Variants in LOC128125822 observed in about 807,000 individuals in gnomAD.
chr6:63,580,295 A>C, the LOC128125822 span: 4 of 783,342 alleles, frequency 5.1e-6, no homozygotes, highest in East Asian at 9.9e-5. Context: ...ATTGAAAGGC[A>C]GTTTTACCAG....
the LOC128125822 span, chr6:63,582,441 C>T: frequency 1.3e-5 from 2 of 152,444 alleles, no homozygotes; most frequent in Non-Finnish European, 2.9e-5. Flanking sequence ...GTACATTATA[C>T]GATGTGATGA....
the LOC128125822 span, chr6:63,576,569 C>T: frequency 4.4e-6 from 2 of 456,098 alleles, no homozygotes; most frequent in Non-Finnish European, 7.7e-6. Context: ...AAGAAGCCCC[C>T]ATAAGAGTGG....
chr6:63,581,683 TTTA>T, the LOC128125822 span: 2 of 152,188 alleles, frequency 1.3e-5, no homozygotes, highest in Non-Finnish European at 2.9e-5. Flanking sequence ...TTTGAACCAA[TTTA>T]TTATTGTGTA....
At chr6:63,575,667 C>T in the LOC128125822 span, among the ~76,000 whole-genome samples, 4 of 152,186 alleles carry the variant, frequency 2.6e-5, no homozygotes, top group Middle Eastern at 3.4e-3. Flanking sequence ...TACAAAAGAA[C>T]ATTATTAAAA....
the LOC128125822 span, chr6:63,578,316 T>A: frequency 8.4e-7 from 1 of 1,186,918 alleles, no homozygotes; most frequent in East Asian, 3.2e-5. Context: ...GATTCTAGCA[T>A]TCTTTAAATG....
At chr6:63,573,405 T>G in the LOC128125822 span, 1 of 152,218 alleles carries the variant, frequency 6.6e-6, no homozygotes, top group Admixed American at 6.5e-5. Context: ...AGCTACACTC[T>G]TGTGCTCGAC....
chr6:63,573,118 C>T, the LOC128125822 span: 1 of 163,640 alleles, frequency 6.1e-6, no homozygotes, highest in Non-Finnish European at 1.3e-5. Flanking sequence ...TGGTCTGGCG[C>T]GACCCGTCCG....
the LOC128125822 span, among the ~76,000 whole-genome samples, chr6:63,577,688 C>T: frequency 1.3e-5 from 2 of 152,118 alleles, no homozygotes; most frequent in African/African-American, 4.8e-5. Context: ...TCCCAAGTAG[C>T]TGAGACTACA....
chr6:63,581,532 C>T, the LOC128125822 span: 33 of 152,392 alleles, frequency 2.2e-4, no homozygotes, highest in African/African-American at 7.5e-4. Context: ...TGTGTGTCCT[C>T]ATCTTTTTAC....
At chr6:63,579,695 T>C in the LOC128125822 span, among the ~76,000 whole-genome samples, 1 of 152,256 alleles carries the variant, frequency 6.6e-6, no homozygotes, top group South Asian at 2.1e-4. Flanking sequence ...ATACAACACA[T>C]AGAATATTTT....
chr6:63,576,194 T>C, the LOC128125822 span, among the ~76,000 whole-genome samples: 15 of 151,656 alleles, frequency 9.9e-5, no homozygotes, highest in Non-Finnish European at 1.3e-4. Flanking sequence ...GGTTTTTTTT[T>C]CTGAGGAATC....
At chr6:63,583,310 A>G in the LOC128125822 span, 1 of 152,226 alleles carries the variant, frequency 6.6e-6, no homozygotes, top group Non-Finnish European at 1.5e-5. Flanking sequence ...GCTTCCTTAA[A>G]TTAATATGTT....
the LOC128125822 span, among the ~76,000 whole-genome samples, chr6:63,577,668 T>TCCCTCA: frequency 6.6e-6 from 1 of 152,074 alleles, no homozygotes; most frequent in African/African-American, 2.4e-5. Context: ...GCAATTCTCC[T>TCCCTCA]GCCTCAGCCT....
At chr6:63,578,783 G>T in the LOC128125822 span, 1 of 1,177,158 alleles carries the variant, frequency 8.5e-7, no homozygotes, top group Non-Finnish European at 1.1e-6. Context: ...AATAAGATTT[G>T]ATTAAACATT....
chr6:63,574,070 C>T, the LOC128125822 span, among the ~76,000 whole-genome samples: 2 of 152,144 alleles, frequency 1.3e-5, no homozygotes, highest in African/African-American at 4.8e-5. Flanking sequence ...GAACTGTTGA[C>T]CTGCCCGACA....
At chr6:63,576,046 AAAC>A in the LOC128125822 span, among the ~76,000 whole-genome samples, 4 of 151,222 alleles carry the variant, frequency 2.6e-5, no homozygotes, top group Admixed American at 6.6e-5. Context: ...AATGTAAAGA[AAAC>A]AACTATCGAA....
the LOC128125822 span, chr6:63,579,424 A>T: frequency 1.1e-6 from 1 of 894,758 alleles, no homozygotes; most frequent in Non-Finnish European, 1.6e-6. Flanking sequence ...TTTAATCATT[A>T]TGATTATTTT....
the LOC128125822 span, among the ~76,000 whole-genome samples, chr6:63,574,670 A>G: frequency 6.6e-6 from 1 of 152,296 alleles, no homozygotes; most frequent in South Asian, 2.1e-4. Flanking sequence ...TACTGCCTCA[A>G]ATTAGCTTTT....
the LOC128125822 span, chr6:63,573,435 G>A: frequency 6.6e-6 from 1 of 152,218 alleles, no homozygotes; most frequent in Non-Finnish European, 1.5e-5. Context: ...CCGAGCCTCA[G>A]ACAAAATGGC....
Sources: allele counts gnomAD v4.1 joint callset (sites outside exome capture counted in the v4.1 genomes callset), GRCh38; gene constraint gnomAD v4.1.1; transcripts MANE v1.5.